The following LRP1B variants were observed in gnomAD, a reference collection of about 807,000 sequenced individuals.
The protein encoded by LRP1B is LDL receptor related protein 1B.
A neutral mutation model predicts 556.6 loss-of-function variants in LRP1B; 217 were observed. That is an observed-to-expected ratio of 0.39 (90% CI 0.35 to 0.44). The LOEUF is 0.44. Among genes scored for constraint, LRP1B ranks in the 20% least tolerant of loss-of-function variants. The pLI is 1.00. For synonymous variants in LRP1B, 2,047 were observed against 1,865.8 expected (o/e 1.10, Z -2.50); for missense variants, 5,053 against 5,620.8 (o/e 0.90, Z 3.23).
At chr2:142,070,644 T>C (rs1020689971) in intron 1 of LRP1B, among the ~76,000 whole-genome samples, 2 of 151,852 alleles carry the variant, frequency 1.3e-5, no homozygotes, top group Admixed American at 6.6e-5. Context: ...GGTGCTCACA[T>C]TATAAAAGGG....
chr2:140,493,771 T>C (rs1368118865), intron 56 of LRP1B, among the ~76,000 whole-genome samples: 1 of 152,222 alleles, frequency 6.6e-6, no homozygotes, highest in African/African-American at 2.4e-5. Context: ...CCTTGTCTTT[T>C]AGTTTTGTAA....
At chr2:141,788,612 A>C (rs2105655863) in intron 2 of LRP1B, among the ~76,000 whole-genome samples, 1 of 152,076 alleles carries the variant, frequency 6.6e-6, no homozygotes, top group Middle Eastern at 3.4e-3. Flanking sequence ...TACATGTGCC[A>C]TGTTGGTGTG....
intron 7 of LRP1B, among the ~76,000 whole-genome samples, chr2:141,091,868 T>C (rs1348984131): frequency 6.6e-6 from 1 of 152,208 alleles, no homozygotes; most frequent in African/African-American, 2.4e-5. Flanking sequence ...AGGAGGTACT[T>C]CTTACAGTTT....
At chr2:141,826,768 T>C (rs1003678945) in intron 1 of LRP1B, among the ~76,000 whole-genome samples, 1 of 152,216 alleles carries the variant, frequency 6.6e-6, no homozygotes, top group Non-Finnish European at 1.5e-5. Flanking sequence ...TGAGTAAAAG[T>C]GAGATTTTTC....
chr2:141,149,302 G>C (rs979008688), intron 7 of LRP1B, among the ~76,000 whole-genome samples: 18 of 152,066 alleles, frequency 1.2e-4, no homozygotes, highest in African/African-American at 4.3e-4. Context: ...TATGGCCTGA[G>C]AAACCACCAT....
intron 32 of LRP1B, among the ~76,000 whole-genome samples, chr2:140,783,134 A>C (rs1387224090): frequency 6.6e-6 from 1 of 152,140 alleles, no homozygotes; most frequent in Non-Finnish European, 1.5e-5. Context: ...ATTATATTTT[A>C]GAATTATAAT....
chr2:141,828,564 A>G (rs1371929861), intron 1 of LRP1B, among the ~76,000 whole-genome samples: 1 of 152,130 alleles, frequency 6.6e-6, no homozygotes, highest in African/African-American at 2.4e-5. Flanking sequence ...GTGCTTCCTA[A>G]AATCATCATA....
intron 2 of LRP1B, among the ~76,000 whole-genome samples, chr2:141,570,888 G>A (rs1398589575): frequency 1.3e-5 from 2 of 150,896 alleles, no homozygotes; most frequent in South Asian, 2.1e-4. Context: ...AGAGGCTCAG[G>A]GACAGAATCT....
intron 31 of LRP1B, among the ~76,000 whole-genome samples, chr2:140,824,832 C>G (rs1691449356): frequency 6.6e-6 from 1 of 152,096 alleles, no homozygotes; most frequent in African/African-American, 2.4e-5. Flanking sequence ...TCAACTGAGA[C>G]ATATCAATAA....
At chr2:141,149,185 G>C (rs911521931) in intron 7 of LRP1B, among the ~76,000 whole-genome samples, 5 of 151,966 alleles carry the variant, frequency 3.3e-5, no homozygotes, top group Admixed American at 2.6e-4. Context: ...GAATAAAAAG[G>C]GTTTTTTTTG....
chr2:141,818,794 C>G (rs1280729666), intron 1 of LRP1B, among the ~76,000 whole-genome samples: 1 of 151,398 alleles, frequency 6.6e-6, no homozygotes, highest in East Asian at 2.0e-4. Context: ...CCTTGGCCTC[C>G]CAGAGTACTG....
At chr2:141,820,497 G>T (rs959046103) in intron 1 of LRP1B, among the ~76,000 whole-genome samples, 3 of 152,096 alleles carry the variant, frequency 2.0e-5, no homozygotes, top group Non-Finnish European at 4.4e-5. Context: ...ACAATTCATG[G>T]TATCACTCAT....
At chr2:140,683,900 C>T (rs576528535) in intron 41 of LRP1B, 24 of 502,392 alleles carry the variant, frequency 4.8e-5, no homozygotes, top group African/African-American at 4.6e-4. Context: ...GGGGTCCATG[C>T]CGGGCTGCCC....
At chr2:141,688,960 A>G (rs550175759) in intron 2 of LRP1B, among the ~76,000 whole-genome samples, 79 of 151,946 alleles carry the variant, frequency 5.2e-4, no homozygotes, top group East Asian at 1.9e-3. Context: ...ACTATTTCCA[A>G]TTCCTTGTCC....
chr2:140,451,156 G>A (rs777205247), intron 62 of LRP1B, among the ~76,000 whole-genome samples: 10 of 152,140 alleles, frequency 6.6e-5, no homozygotes, highest in Non-Finnish European at 1.3e-4. Flanking sequence ...TGCCAAGGCT[G>A]ATCTCAAACT....
At chr2:140,647,327 A>G (rs1457615145) in intron 41 of LRP1B, among the ~76,000 whole-genome samples, 1 of 152,230 alleles carries the variant, frequency 6.6e-6, no homozygotes, top group Non-Finnish European at 1.5e-5. Context: ...ATCATCAGTG[A>G]ACCATTGCAC....
In LRP1B at chr2:140,784,376, CCACACACA is replaced by C. The variant is rs143661527; in HGVS notation, c.5360-8146_5360-8139del. 2.7e-3 allele frequency among the ~76,000 whole-genome samples: 336 copies of C among 126,690 alleles called. 2 individuals are homozygous for C. Among genetic ancestry groups the C allele is most frequent in the African/African-American group, 8.4e-3 (290 of 34,356 alleles). The allele number at this position is 126,690 out of a possible 152,430, so 83.1% of individuals were successfully genotyped here. A position where few individuals can be genotyped will look rare whatever the true frequency, so the allele number is the denominator to read the frequency against. On this transcript the variant is annotated intron_variant, in intron 32 of 90. Coordinates refer to ENST00000389484, the MANE Select transcript of LRP1B (RefSeq NM_018557.3). ...AAGAGATAATTGGAGGATTCTGCCT[CCACACACA>C]CACACACACACACACACACACACAC...
chr2:140,311,929 A>G (rs186392312), intron 83 of LRP1B, among the ~76,000 whole-genome samples: 21 of 151,964 alleles, frequency 1.4e-4, no homozygotes, highest in African/African-American at 4.8e-4. Context: ...ATGTTTTGTC[A>G]TTAGTTTCAT....
chr2:140,301,181 C>G (rs1044274880), intron 83 of LRP1B, among the ~76,000 whole-genome samples: 1 of 152,000 alleles, frequency 6.6e-6, no homozygotes, highest in Non-Finnish European at 1.5e-5. Context: ...TAAATATGCT[C>G]GATTCTACCT....
Sources: allele counts gnomAD v4.1 joint callset (sites outside exome capture counted in the v4.1 genomes callset), GRCh38; gene constraint gnomAD v4.1.1; transcripts MANE v1.5; gene names NCBI Gene and HGNC (gene_info 2026-07-23, HGNC 2026-07-21).